LOC122539214: variants seen among roughly 807,000 people sequenced by gnomAD.
chr19:52,682,275 T>C, the LOC122539214 span, among the ~76,000 whole-genome samples: 1 of 152,210 alleles, frequency 6.6e-6, no homozygotes, highest in Non-Finnish European at 1.5e-5. Flanking sequence ...TATCCATCCA[T>C]GTATTCTCCC....
At chr19:52,688,337 A>ATT in the LOC122539214 span, among the ~76,000 whole-genome samples, 398 of 139,640 alleles carry the variant, frequency 2.9e-3, 1 homozygote, top group East Asian at 0.011. Context: ...TACCCGATTA[A>ATT]TTTTTTTTTT....
At chr19:52,674,169 T>C in the LOC122539214 span, 6 of 152,222 alleles carry the variant, frequency 3.9e-5, no homozygotes, top group African/African-American at 7.2e-5. Flanking sequence ...CCTTAAGCCT[T>C]TCAAAAGATC....
the LOC122539214 span, among the ~76,000 whole-genome samples, chr19:52,669,511 A>G: frequency 6.6e-6 from 1 of 152,220 alleles, no homozygotes; most frequent in South Asian, 2.1e-4. Flanking sequence ...ATAGCCTTTG[A>G]CATGATATTA....
At chr19:52,687,417 AATATAAAT>A in the LOC122539214 span, among the ~76,000 whole-genome samples, 28 of 52,540 alleles carry the variant, frequency 5.3e-4, 10 homozygotes, top group African/African-American at 3.0e-3. Flanking sequence ...TATAAATTAT[AATATAAAT>A]TATAATTTAT....
chr19:52,670,652 TGACACAACTCTCAGGAGGTCCTGA>T, the LOC122539214 span, among the ~76,000 whole-genome samples: 3 of 152,298 alleles, frequency 2.0e-5, no homozygotes, highest in East Asian at 5.8e-4. Context: ...TCATGGCCCA[TGACACAACTCTCAGGAGGTCCTGA>T]GAACATATGT....
the LOC122539214 span, among the ~76,000 whole-genome samples, chr19:52,662,392 C>G: frequency 0.024 from 3,712 of 152,142 alleles, 143 homozygotes; most frequent in African/African-American, 0.08. Context: ...GCCAACTGAA[C>G]ACAGGATTGC....
the LOC122539214 span, among the ~76,000 whole-genome samples, chr19:52,689,480 T>A: frequency 6.6e-6 from 1 of 152,096 alleles, no homozygotes; most frequent in Non-Finnish European, 1.5e-5. Context: ...ACCACTCTGC[T>A]CTGTCTGCCC....
At chr19:52,683,872 T>C in the LOC122539214 span, among the ~76,000 whole-genome samples, 1 of 152,156 alleles carries the variant, frequency 6.6e-6, no homozygotes, top group Non-Finnish European at 1.5e-5. Flanking sequence ...GCTGTTGTCC[T>C]GTGGCCAAGA....
the LOC122539214 span, among the ~76,000 whole-genome samples, chr19:52,672,574 A>G: frequency 6.6e-6 from 1 of 152,172 alleles, no homozygotes; most frequent in South Asian, 2.1e-4. Context: ...ATAGCACCTC[A>G]TCTTTATGTT....
At chr19:52,671,719 A>C in the LOC122539214 span, among the ~76,000 whole-genome samples, 5 of 152,198 alleles carry the variant, frequency 3.3e-5, no homozygotes, top group Admixed American at 1.3e-4. Flanking sequence ...TTGGGGTTAC[A>C]GGCAAGCCAC....
At chr19:52,687,899 G>T in the LOC122539214 span, among the ~76,000 whole-genome samples, 1 of 151,234 alleles carries the variant, frequency 6.6e-6, no homozygotes, top group Non-Finnish European at 1.5e-5. Context: ...ACTGCCCCAC[G>T]TCCTACCCCA....
the LOC122539214 span, among the ~76,000 whole-genome samples, chr19:52,659,095 C>T: frequency 0.64 from 97,653 of 151,872 alleles, 31,580 homozygotes; most frequent in East Asian, 0.76. Flanking sequence ...GGCAGACCCC[C>T]GCAGCTAATG....
the LOC122539214 span, chr19:52,654,384 C>T: frequency 1.7e-6 from 2 of 1,165,314 alleles, no homozygotes; most frequent in East Asian, 2.4e-5. Flanking sequence ...AGAACTCCGT[C>T]ATGGATTTTA....
At chr19:52,680,651 C>T in the LOC122539214 span, among the ~76,000 whole-genome samples, 8 of 124,276 alleles carry the variant, frequency 6.4e-5, no homozygotes, top group Non-Finnish European at 1.1e-4. Context: ...CTCGCTCTGT[C>T]GCCCAGGCTG....
chr19:52,674,961 T>C, the LOC122539214 span, among the ~76,000 whole-genome samples: 1 of 152,288 alleles, frequency 6.6e-6, no homozygotes, highest in Admixed American at 6.5e-5. Flanking sequence ...CATCAAGTGA[T>C]CTACCCACCT....
chr19:52,673,363 G>A, the LOC122539214 span, among the ~76,000 whole-genome samples: 405 of 152,152 alleles, frequency 2.7e-3, 3 homozygotes, highest in Non-Finnish European at 4.0e-3. Flanking sequence ...ATTAGCCGAG[G>A]GTGATGGCGC....
chr19:52,657,071 G>T, the LOC122539214 span, among the ~76,000 whole-genome samples: 2 of 151,846 alleles, frequency 1.3e-5, no homozygotes, highest in African/African-American at 4.8e-5. Context: ...ATCCAAGATT[G>T]CACCACTGCA....
At chr19:52,680,394 A>G in the LOC122539214 span, among the ~76,000 whole-genome samples, 5 of 152,258 alleles carry the variant, frequency 3.3e-5, no homozygotes, top group Admixed American at 2.6e-4. Flanking sequence ...AGAGAATTCT[A>G]TAGCCACATC....
At chr19:52,669,987 G>A in the LOC122539214 span, among the ~76,000 whole-genome samples, 1 of 152,220 alleles carries the variant, frequency 6.6e-6, no homozygotes, top group African/African-American at 2.4e-5. Context: ...TTAGATATGA[G>A]TTCTAAATTT....
Sources: gnomAD v4.1 joint callset for allele counts (sites outside exome capture counted in the v4.1 genomes callset) on GRCh38, gnomAD v4.1.1 for gene constraint, MANE v1.5 for transcripts.